OR8D1: variants seen among roughly 807,000 people sequenced by gnomAD.
OR8D1 encodes the protein olfactory receptor family 8 subfamily D member 1, also known as olfactory receptor 8D1.
For synonymous variants in OR8D1, 143 were observed against 147.0 expected, an observed-to-expected ratio of 0.97 and a Z score of 0.20; for missense variants, 384 against 366.8, an observed-to-expected ratio of 1.05 and a Z score of -0.38.
intron 2 of OR8D1, 103 bp from the exon 3 acceptor site, chr11:124,310,885 G>A: frequency 1.5e-6 from 1 of 687,526 alleles, no homozygotes. Flanking sequence ...AACAGACTGA[G>A]TCATAGTTTT....
rs1862382834 is a variant in OR8D1 at position 124,308,096 on chromosome 11, G to T, written c.*1744C>A. On this transcript the variant is annotated 3_prime_UTR_variant, in exon 3 of 3. Transcript: ENST00000641015. ...TGGGTTTGGAACACCCTGTTTCTAA[G>T]AATCAAATCTGCTTAGAAAATAAAG... 6.6e-6 allele frequency: 1 copy of T among 151,994 alleles called. No homozygotes were observed. The highest frequency in any genetic ancestry group is 2.4e-5 in the African/African-American group (1 of 41,400). 9.4% of individuals were successfully genotyped at this position (151,994 alleles called of 1,614,324 possible). A position where few individuals can be genotyped will look rare whatever the true frequency, so the allele number is the denominator to read the frequency against.
At position 124,303,377 on chromosome 11, in the gene OR8D1, T is replaced by C. The variant is rs1242562985; in HGVS notation, c.*6463A>G. On this transcript the variant is annotated 3_prime_UTR_variant, in exon 3 of 3. Transcript: ENST00000641015. ...TGGATGTGGACACAGGGCTAAACCA[T>C]ATGAGTCCTTGACATGTAGTATAGT... 6.6e-6 allele frequency: 1 copy of C among 152,056 alleles called. No individual in the cohort carries two copies. The highest frequency in any genetic ancestry group is 1.5e-5 in the Non-Finnish European group (1 of 67,976). 9.4% of individuals were successfully genotyped at this position (152,056 alleles called of 1,614,324 possible). A position where few individuals can be genotyped will look rare whatever the true frequency, so the allele number is the denominator to read the frequency against.
rs1862346880 is a variant in OR8D1, at chr11:124,304,126, G to A, written c.*5714C>T. The A allele has an allele frequency of 6.6e-6, 1 of 151,968 alleles. No homozygotes were observed. Among genetic ancestry groups the A allele is most frequent in the Non-Finnish European group, 1.5e-5 (1 of 67,926 alleles). The allele number at this position is 151,968 out of a possible 1,614,324, so 9.4% of individuals were successfully genotyped here. On this transcript the variant is annotated 3_prime_UTR_variant, in exon 3 of 3. Transcript: ENST00000641015. ...TTATCTGGTTTTTTAGAGAAAACAT[G>A]TCAGTCTCTAATGTAGGCCATTGCT...
Position 124,310,738 on chromosome 11 carries a change from G to A in OR8D1, c.29C>T (p.Ala10Val). 1.9e-6 allele frequency: 3 copies of A among 1,612,208 alleles called. 1 individual carries two copies. The highest frequency in any genetic ancestry group is 2.2e-5 in the South Asian group (2 of 90,918). ...TGTTAAACCATCTAAGACAAACTGA[G>A]CTGCCATAGAATAATTTTCCATGGT... is the stretch of plus-strand genomic sequence containing the variant. MTMENYSMA[A>V]QFVLDGLTQQ... Residue 10 changes from alanine (A) to valine (V), a missense_variant, in exon 3 of 3, where the codon GCT (alanine) becomes GTT (valine). By Grantham distance (64) the Ala-to-Val change is moderately conservative. Coordinates refer to ENST00000641015, the MANE Select transcript of OR8D1 (RefSeq NM_001002917.2).
chr11:124,308,298 T>C lies in OR8D1; in HGVS notation c.*1542A>G, dbSNP rs1862384167. ...GATCCTGGATTCAGAAAAGTGTTAA[T>C]TGCACTATTAAAGCTGCTGAAAAAG... On this transcript the variant is annotated 3_prime_UTR_variant, in exon 3 of 3. Transcript: ENST00000641015. The C allele has an allele frequency of 6.6e-6, 1 of 152,150 alleles. No individual in the cohort carries two copies. The highest frequency in any genetic ancestry group is 2.4e-5 in the African/African-American group (1 of 41,444). The allele number at this position is 152,150 out of a possible 1,614,324, so 9.4% of individuals were successfully genotyped here.
At position 124,311,233 on chromosome 11, in the gene OR8D1, ATTAC is replaced by A. The variant is rs560069470; in HGVS notation, c.-17+335_-17+338del. On this transcript the variant is annotated intron_variant, in intron 2 of 2. Coordinates refer to ENST00000641015, the MANE Select transcript of OR8D1 (RefSeq NM_001002917.2). ...CAGCCTCGGAGAATTGAAAGTGTCT[ATTAC>A]TTCCAACTGGAGTGATGGTGGGCAT... 2.1e-3 allele frequency among the ~76,000 whole-genome samples: 318 copies of A among 152,258 alleles called. 1 individual carries two copies. Among genetic ancestry groups the A allele is most frequent in the African/African-American group, 7.4e-3 (306 of 41,552 alleles).
At position 124,310,719 on chromosome 11, in the gene OR8D1, A is replaced by G. The variant is rs1591410029; in HGVS notation, c.48T>C (p.Gly16=). The change falls in exon 3 of 3, where the codon GGT becomes GGC. Residue 16 remains glycine, a synonymous_variant. Transcript: ENST00000641015. ...YSMAAQFVLD[G]LTQQAELQLP... ...GCTGGAGCTCTGCTTGCTGTGTTAAACCATCTAAGACAAACTGAGCTGCCA... is the reference window on the plus strand; with the variant it reads ...GCTGGAGCTCTGCTTGCTGTGTTAAGCCATCTAAGACAAACTGAGCTGCCA... 1.2e-6 allele frequency: 2 copies of G among 1,613,196 alleles called. No individual in the cohort carries two copies. The highest frequency in any genetic ancestry group is 1.7e-6 in the Non-Finnish European group (2 of 1,179,646).
At position 124,306,575 on chromosome 11, in the gene OR8D1, C is replaced by G. The variant is rs920316148; in HGVS notation, c.*3265G>C. 4.0e-5 allele frequency: 6 copies of G among 151,634 alleles called. No individual in the cohort carries two copies. The highest frequency in any genetic ancestry group is 6.6e-5 in the Admixed American group (1 of 15,164). 9.4% of individuals were successfully genotyped at this position (151,634 alleles called of 1,614,324 possible). ...CCCTTCTGTAGTAAGACAAAAACAT[C>G]CTAATAGTGTGCTGATGAGGGTTTT... On this transcript the variant is annotated 3_prime_UTR_variant, in exon 3 of 3. Coordinates refer to ENST00000641015, the MANE Select transcript of OR8D1 (RefSeq NM_001002917.2).
In OR8D1 at chr11:124,310,463, A is replaced by C. The variant is rs2510433; in HGVS notation, c.304T>G (p.Phe102Val). ...GCCACCACAAAGACCACAAAGAAAA[A>C]GAGCTGGACCATGCACTCAGAGTAA... ...ILYSECMVQLFFFVVFVVAEG... is the reference protein window; with the variant it reads ...ILYSECMVQLVFFVVFVVAEG... Residue 102 changes from phenylalanine (F) to valine (V), a missense_variant, in exon 3 of 3, where the codon TTT becomes GTT. Coordinates refer to ENST00000641015, the MANE Select transcript of OR8D1 (RefSeq NM_001002917.2). 0.021 allele frequency: 33,687 copies of C among 1,613,704 alleles called. 446 individuals are homozygous for C. Among genetic ancestry groups the C allele is most frequent in the Middle Eastern group, 0.033 (203 of 6,062 alleles).
At position 124,308,896 on chromosome 11, in the gene OR8D1, A is replaced by T. The variant is rs971579547; in HGVS notation, c.*944T>A. ...TACTACCCAGCAACATACAAAAGCT[A>T]AAAACAAAAACAGAAGGAAATGTTA... is the stretch of plus-strand genomic sequence containing the variant. On this transcript the variant is annotated 3_prime_UTR_variant, in exon 3 of 3. Transcript: ENST00000641015. The T allele has an allele frequency of 1.3e-5, 2 of 152,164 alleles. No individual in the cohort carries two copies. Among genetic ancestry groups the T allele is most frequent in the Non-Finnish European group, 1.5e-5 (1 of 68,034 alleles). 9.4% of individuals were successfully genotyped at this position (152,164 alleles called of 1,614,324 possible).
chr11:124,312,706 C>A (rs1382220036), intron 1 of OR8D1, among the ~76,000 whole-genome samples: 3 of 151,414 alleles, frequency 2.0e-5, no homozygotes, highest in Non-Finnish European at 4.4e-5. Context: ...TTAGTAAAGA[C>A]AAGGTTTCAC....
Position 124,308,901 on chromosome 11 carries a change from CA to C in OR8D1, c.*938del, listed in dbSNP as rs938447488. 6.6e-6 allele frequency: 1 copy of C among 152,006 alleles called. No individual in the cohort carries two copies. The highest frequency in any genetic ancestry group is 1.5e-5 in the Non-Finnish European group (1 of 67,992). The allele number at this position is 152,006 out of a possible 1,614,324, so 9.4% of individuals were successfully genotyped here. A position where few individuals can be genotyped will look rare whatever the true frequency, so the allele number is the denominator to read the frequency against. On this transcript the variant is annotated 3_prime_UTR_variant, in exon 3 of 3. Transcript: ENST00000641015. Reference sequence around the variant, plus strand: ...CCCAGCAACATACAAAAGCTAAAAACAAAAACAGAAGGAAATGTTACATGAG... The same window carrying C: ...CCCAGCAACATACAAAAGCTAAAAACAAAACAGAAGGAAATGTTACATGAG...
rs977392746 is a variant in OR8D1, at chr11:124,309,700, A to T, written c.*140T>A. 2.3e-6 allele frequency: 1 copy of T among 443,448 alleles called. No homozygotes were observed. Among genetic ancestry groups the T allele is most frequent in the Non-Finnish European group, 3.9e-6 (1 of 258,978 alleles). 27.5% of individuals were successfully genotyped at this position (443,448 alleles called of 1,614,324 possible). A position where few individuals can be genotyped will look rare whatever the true frequency, so the allele number is the denominator to read the frequency against. ...TTCTTTTATTTTGTTGAGAAAGTTG[A>T]ATCAATCATAGATGGGAAAGTATTT... On this transcript the variant is annotated 3_prime_UTR_variant, in exon 3 of 3. Coordinates refer to ENST00000641015, the MANE Select transcript of OR8D1 (RefSeq NM_001002917.2).
At position 124,305,598 on chromosome 11, in the gene OR8D1, C is replaced by G. The variant is rs563350926; in HGVS notation, c.*4242G>C. 4 of 151,804 alleles carry G rather than the reference C, an allele frequency of 2.6e-5. No individual in the cohort carries two copies. Among genetic ancestry groups the G allele is most frequent in the Non-Finnish European group, 4.4e-5 (3 of 67,834 alleles). The allele number at this position is 151,804 out of a possible 1,614,324, so 9.4% of individuals were successfully genotyped here. A position where few individuals can be genotyped will look rare whatever the true frequency, so the allele number is the denominator to read the frequency against. On this transcript the variant is annotated 3_prime_UTR_variant, in exon 3 of 3. Coordinates refer to ENST00000641015, the MANE Select transcript of OR8D1 (RefSeq NM_001002917.2). Reference sequence around the variant, plus strand: ...TGATGCTAATATTCTATATCTTTACCTGGAGAGTCACTAAATAGATATAAA... The same window carrying G: ...TGATGCTAATATTCTATATCTTTACGTGGAGAGTCACTAAATAGATATAAA...
rs1471157668 is a variant in OR8D1, at chr11:124,305,258, C to T, written c.*4582G>A. ...AAAATGTCAAGGCAAGTTGATAGTG[C>T]TATGATGCATGCAAATCATGGTGAA... On this transcript the variant is annotated 3_prime_UTR_variant, in exon 3 of 3. Transcript: ENST00000641015. The T allele has an allele frequency of 6.6e-6, 1 of 151,858 alleles. No individual in the cohort carries two copies. The highest frequency in any genetic ancestry group is 1.9e-4 in the East Asian group (1 of 5,168). The allele number at this position is 151,858 out of a possible 1,614,324, so 9.4% of individuals were successfully genotyped here.
rs1862411937 is a variant in OR8D1 at position 124,310,525 on chromosome 11, A to G, written c.242T>C (p.Met81Thr). The G allele has an allele frequency of 6.2e-7, 1 of 1,613,848 alleles. No individual in the cohort carries two copies. Among genetic ancestry groups the G allele is most frequent in the Non-Finnish European group, 8.5e-7 (1 of 1,179,902 alleles). The change falls in exon 3 of 3, where the codon ATG becomes ACG. Residue 81 changes from methionine to threonine, a missense_variant. Transcript: ENST00000641015. ...CTTCTTTCCTAGGAAGTTCACCAGC[A>G]TTTTGGGAGTAATGACAGAGGAATA... ...FCYSSVITPK[M>T]LVNFLGKKNT... is the part of the protein sequence containing the mutation.
chr11:124,310,224 A>C lies in OR8D1; in HGVS notation c.543T>G (p.Val181=). Reference sequence around the variant, plus strand: ...AGCAGGAGAGATTGAGGAGGGGAAGAACATCACAGAAGTAATGGTTGATAA... The same window carrying C: ...AGCAGGAGAGATTGAGGAGGGGAAGCACATCACAGAAGTAATGGTTGATAA... ...SHIINHYFCD[V]LPLLNLSCSN... Residue 181 remains valine, a synonymous_variant, in exon 3 of 3, where the codon GTT becomes GTG. Transcript: ENST00000641015. 1 of 1,613,870 alleles carries C rather than the reference A, an allele frequency of 6.2e-7. No individual in the cohort carries two copies. The highest frequency in any genetic ancestry group is 8.5e-7 in the Non-Finnish European group (1 of 1,179,944).
rs1043233528 is a variant in OR8D1 at position 124,307,881 on chromosome 11, A to G, written c.*1959T>C. On this transcript the variant is annotated 3_prime_UTR_variant, in exon 3 of 3. Coordinates refer to ENST00000641015, the MANE Select transcript of OR8D1 (RefSeq NM_001002917.2). ...GCAGGGCTACAAATACCCATCTTCT[A>G]AATTGGAGCTTTCCCTTTAAAGGGG... 1 of 152,070 alleles carries G rather than the reference A, an allele frequency of 6.6e-6. No individual in the cohort carries two copies. Among genetic ancestry groups the G allele is most frequent in the Admixed American group, 6.6e-5 (1 of 15,230 alleles). 9.4% of individuals were successfully genotyped at this position (152,070 alleles called of 1,614,324 possible). A position where few individuals can be genotyped will look rare whatever the true frequency, so the allele number is the denominator to read the frequency against.
In OR8D1 at chr11:124,303,268, G is replaced by A. The variant is rs1862340216; in HGVS notation, c.*6572C>T. On this transcript the variant is annotated 3_prime_UTR_variant, in exon 3 of 3. Coordinates refer to ENST00000641015, the MANE Select transcript of OR8D1 (RefSeq NM_001002917.2). Reference sequence around the variant, plus strand: ...TGTGAGAATTCACTCACTATTACAAGAACAGCATGGAGGAAACTGCCCCCA... The same window carrying A: ...TGTGAGAATTCACTCACTATTACAAAAACAGCATGGAGGAAACTGCCCCCA... The A allele has an allele frequency of 6.6e-6, 1 of 151,952 alleles. No homozygotes were observed. The highest frequency in any genetic ancestry group is 1.5e-5 in the Non-Finnish European group (1 of 67,968). 9.4% of individuals were successfully genotyped at this position (151,952 alleles called of 1,614,324 possible).
Sources: allele counts gnomAD v4.1 joint callset (sites outside exome capture counted in the v4.1 genomes callset), GRCh38; gene constraint gnomAD v4.1.1; transcripts MANE v1.5; gene names NCBI Gene and HGNC (gene_info 2026-07-23, HGNC 2026-07-21).